TRAF3: variants seen among roughly 807,000 people sequenced by gnomAD.
TRAF3 encodes TNF receptor-associated factor 3.
Under a neutral mutation model 62.3 loss-of-function variants are expected in TRAF3, and 13 were observed. The observed-to-expected ratio is 0.21, with a 90% CI of 0.14 to 0.33. The LOEUF is 0.33. Among genes scored for constraint, TRAF3 ranks in the 10% least tolerant of loss-of-function variants. TRAF3 has a pLI of 1.00. For missense variants in TRAF3, 440 were observed against 741.8 expected (o/e 0.59, Z 4.73); for synonymous variants, 269 against 283.4 (o/e 0.95, Z 0.51).
intron 1 of TRAF3, among the ~76,000 whole-genome samples, chr14:102,811,593 T>C (rs1899154481): frequency 6.8e-6 from 1 of 147,244 alleles, no homozygotes; most frequent in Admixed American, 6.9e-5. Context: ...TTTGTTTTTG[T>C]GCAGAGGTCA....
chr14:102,888,214 G>A (rs996319040), intron 7 of TRAF3, among the ~76,000 whole-genome samples: 2 of 152,220 alleles, frequency 1.3e-5, no homozygotes, highest in African/African-American at 4.8e-5. Context: ...ACCTGGTTCT[G>A]CGCAGTCTTC....
chr14:102,785,457 GTAA>G (rs1422016042), intron 1 of TRAF3, among the ~76,000 whole-genome samples: 1 of 152,162 alleles, frequency 6.6e-6, no homozygotes, highest in African/African-American at 2.4e-5. Context: ...TGGTAGTCTA[GTAA>G]TAATGATAGT....
intron 10 of TRAF3, among the ~76,000 whole-genome samples, chr14:102,900,605 C>T (rs547465477): frequency 4.6e-5 from 7 of 152,334 alleles, no homozygotes; most frequent in South Asian, 2.1e-4. Flanking sequence ...ACAGGGCACA[C>T]GTAGAGGAGC....
intron 9 of TRAF3, 130 bp from the exon 10 acceptor site, chr14:102,897,131 G>A (rs1890047480): frequency 1.2e-6 from 1 of 846,484 alleles, no homozygotes; most frequent in Admixed American, 2.6e-5. Flanking sequence ...CTGTGTGAAG[G>A]GATTTTTTTC....
chr14:102,885,233 C>G (rs1889310234), intron 6 of TRAF3, among the ~76,000 whole-genome samples: 1 of 152,250 alleles, frequency 6.6e-6, no homozygotes, highest in African/African-American at 2.4e-5. Flanking sequence ...CCCTCCTCAG[C>G]CCTCAGACCC....
At chr14:102,802,047 C>T (rs1315480496) in intron 1 of TRAF3, among the ~76,000 whole-genome samples, 3 of 146,456 alleles carry the variant, frequency 2.0e-5, no homozygotes, top group African/African-American at 7.5e-5. Flanking sequence ...TTTTTTGAGA[C>T]GGAGTCTCAC....
At chr14:102,788,026 A>AT (rs1210653789) in intron 1 of TRAF3, among the ~76,000 whole-genome samples, 4 of 150,576 alleles carry the variant, frequency 2.7e-5, no homozygotes, top group South Asian at 2.1e-4. Context: ...TAATTTTTGT[A>AT]TTTTTTTAGT....
At position 102,834,042 on chromosome 14, in the gene TRAF3, ACT is replaced by A. The variant is rs372574241; in HGVS notation, c.-18+3575_-18+3576del. ...GCATACTGCCCAAAGCGATTTACAG[ACT>A]CTCTGCTATTCCTAGCAGATTACCG... On this transcript the variant is annotated intron_variant, in intron 2 of 11. Transcript: ENST00000392745. Among the ~76,000 whole-genome samples the A allele has an allele frequency of 2.9e-3, 439 of 151,708 alleles. 3 individuals are homozygous for A. Among genetic ancestry groups the A allele is most frequent in the Middle Eastern group, 0.014 (4 of 294 alleles).
At chr14:102,824,468 T>C (rs1900174744) in intron 1 of TRAF3, among the ~76,000 whole-genome samples, 1 of 152,286 alleles carries the variant, frequency 6.6e-6, no homozygotes, top group Non-Finnish European at 1.5e-5. Flanking sequence ...CTTTGTTCTG[T>C]GGCCCCAGTG....
chr14:102,826,215 G>T lies in TRAF3; in HGVS notation c.-156-4119G>T, dbSNP rs1336883912. On this transcript the variant is annotated intron_variant, in intron 1 of 11. Transcript: ENST00000392745. The surrounding 1 kb of genome is among the most constrained non-coding windows in gnomAD (Gnocchi z 4.6). Reference sequence around the variant, plus strand: ...AGGCTGGTTCCTGGGTGTAAATCCTGGCTCTTCTGCTTGAACTGACTGTGC... The same window carrying T: ...AGGCTGGTTCCTGGGTGTAAATCCTTGCTCTTCTGCTTGAACTGACTGTGC... Among the ~76,000 whole-genome samples, 2 of 152,078 alleles carry T rather than the reference G, an allele frequency of 1.3e-5. No homozygotes were observed. The highest frequency in any genetic ancestry group is 2.9e-5 in the Non-Finnish European group (2 of 68,024).
At position 102,903,719 on chromosome 14, in the gene TRAF3, G is replaced by C. The variant is rs767270198; in HGVS notation, c.1135+290G>C. 3.6e-6 allele frequency: 2 copies of C among 549,748 alleles called. No homozygotes were observed. Among genetic ancestry groups the C allele is most frequent in the African/African-American group, 1.9e-5 (1 of 53,420 alleles). 34.1% of individuals were successfully genotyped at this position (549,748 alleles called of 1,614,324 possible). ...AAAGCCCTCCTGGGAGAGACTGGCC[G>C]CAGGGTGACCCACAGGACAGGCCCA... On this transcript the variant is annotated intron_variant, in intron 11 of 11. Coordinates refer to ENST00000392745, the MANE Select transcript of TRAF3 (RefSeq NM_145725.3). The surrounding 1 kb of genome is among the most constrained non-coding windows in gnomAD (Gnocchi z 6.4).
Position 102,911,196 on chromosome 14 carries a change from G to A in TRAF3, c.*5412G>A, listed in dbSNP as rs1566819637. ...CAGTCCAAGTGATTTTGTGACCAGTGATTTGGGTCCTGTTTTCCGCTCTTC... is the reference window on the plus strand; with the variant it reads ...CAGTCCAAGTGATTTTGTGACCAGTAATTTGGGTCCTGTTTTCCGCTCTTC... On this transcript the variant is annotated 3_prime_UTR_variant, in exon 12 of 12. Transcript: ENST00000392745. 1 of 152,194 alleles carries A rather than the reference G, an allele frequency of 6.6e-6. No homozygotes were observed. The highest frequency in any genetic ancestry group is 1.5e-5 in the Non-Finnish European group (1 of 68,034). The allele number at this position is 152,194 out of a possible 1,614,324, so 9.4% of individuals were successfully genotyped here. A position where few individuals can be genotyped will look rare whatever the true frequency, so the allele number is the denominator to read the frequency against.
intron 9 of TRAF3, among the ~76,000 whole-genome samples, chr14:102,892,399 C>T (rs538737618): frequency 1.9e-4 from 29 of 152,266 alleles, no homozygotes; most frequent in Non-Finnish European, 2.2e-4. Flanking sequence ...GGCCTATAGG[C>T]GCAGGAGCAA....
chr14:102,893,716 G>A (rs1333033634), intron 9 of TRAF3, among the ~76,000 whole-genome samples: 1 of 152,230 alleles, frequency 6.6e-6, no homozygotes, highest in Admixed American at 6.5e-5. Flanking sequence ...AGCCCCGAGA[G>A]TGCAGGATGC....
chr14:102,779,991 A>C (rs1897207386), intron 1 of TRAF3, among the ~76,000 whole-genome samples: 1 of 152,200 alleles, frequency 6.6e-6, no homozygotes, highest in Non-Finnish European at 1.5e-5. Flanking sequence ...CTGCTTTGCG[A>C]GTGTTCATGG....
At chr14:102,893,314 C>T (rs992408974) in intron 9 of TRAF3, among the ~76,000 whole-genome samples, 2 of 150,872 alleles carry the variant, frequency 1.3e-5, no homozygotes, top group African/African-American at 2.4e-5. Context: ...TGCTTGAACC[C>T]GAGAGGTGGA....
chr14:102,798,628 A>G lies in TRAF3; in HGVS notation c.-157+20953A>G, dbSNP rs117423368. On this transcript the variant is annotated intron_variant, in intron 1 of 11. Transcript: ENST00000392745. Reference sequence around the variant, plus strand: ...GCACTCCAGTCTGGGCGACAGAGCGAGACCCTGTCTCAAAAACAAAATTTT... The same window carrying G: ...GCACTCCAGTCTGGGCGACAGAGCGGGACCCTGTCTCAAAAACAAAATTTT... Among the ~76,000 whole-genome samples the G allele has an allele frequency of 2.4e-4, 36 of 152,280 alleles. No homozygotes were observed. In the East Asian group the frequency reaches 6.8e-3, roughly 29 times the overall value.
intron 2 of TRAF3, among the ~76,000 whole-genome samples, chr14:102,855,365 T>A (rs888398700): frequency 2.0e-5 from 3 of 152,170 alleles, no homozygotes; most frequent in Non-Finnish European, 4.4e-5. Flanking sequence ...AATTGCTGGG[T>A]CATATGGTAA....
rs756511978 is a variant in TRAF3, at chr14:102,903,420, C to G, written c.1126C>G (p.Arg376Gly). 1.2e-6 allele frequency: 2 copies of G among 1,613,758 alleles called. No individual in the cohort carries two copies. Among genetic ancestry groups the G allele is most frequent in the South Asian group, 1.1e-5 (1 of 91,080 alleles). Residue 376 changes from arginine (R) to glycine (G), a missense_variant, in exon 11 of 12, where the codon CGG becomes GGG. Arg to Gly is a moderately radical substitution (Grantham distance 125, BLOSUM62 -2). Coordinates refer to ENST00000392745, the MANE Select transcript of TRAF3 (RefSeq NM_145725.3). This position sits in a 1 kb window ranked among gnomAD's most constrained non-coding sequence, Gnocchi z 6.4. The stretch of plus-strand genomic sequence containing the variant: ...GGACAAGAGCGCGGGGCAAGTGGCT[C>G]GGAACACAGGTGAGGCAGGGGCCGG... Reference protein sequence around the residue: ...SVDKSAGQVARNTGLLESQLS... With the variant: ...SVDKSAGQVAGNTGLLESQLS...
Sources: gnomAD v4.1 joint callset for allele counts (sites outside exome capture counted in the v4.1 genomes callset) on GRCh38, gnomAD v4.1.1 for gene constraint, Gnocchi (gnomAD v3.1) non-coding constraint, MANE v1.5 for transcripts, NCBI Gene and HGNC (gene_info 2026-07-23, HGNC 2026-07-21) for gene names.